POSTN: variants seen among roughly 807,000 people sequenced by gnomAD.
The protein encoded by POSTN is osteoblast specific factor 2 (fasciclin I-like).
A neutral mutation model predicts 104.5 loss-of-function variants in POSTN; 71 were observed. The ratio of observed to expected loss-of-function variants is 0.68; its 90% CI spans 0.56 to 0.83. The LOEUF (loss-of-function observed/expected upper bound fraction) is 0.83, where lower values mean the gene tolerates loss of function less well. Ranked by LOEUF, POSTN falls within the 40% of genes least tolerant of loss-of-function variation. POSTN has a pLI of 0.00. For missense variants in POSTN, 949 were observed against 1,006.8 expected, an observed-to-expected ratio of 0.94 and a Z score of 0.78; for synonymous variants, 355 against 340.7, an observed-to-expected ratio of 1.04 and a Z score of -0.46.
chr13:37,597,073 C>A (rs1951105664), intron 2 of POSTN, 111 bp downstream of exon 2: 2 of 602,680 alleles, frequency 3.3e-6, no homozygotes, highest in Admixed American at 4.0e-5. Flanking sequence ...ATAACTCTCA[C>A]AATTTTGGTC....
At chr13:37,596,661 A>G (rs570887289) in intron 2 of POSTN, among the ~76,000 whole-genome samples, 1 of 152,314 alleles carries the variant, frequency 6.6e-6, no homozygotes, top group South Asian at 2.1e-4. Context: ...AAATAAAGAG[A>G]TAAAACTCAA....
At chr13:37,580,014 T>C (rs765176182) in intron 11 of POSTN, 23 bp from the exon 12 acceptor site, 6 of 1,605,964 alleles carry the variant, frequency 3.7e-6, no homozygotes, top group Non-Finnish European at 5.1e-6. Context: ...AATGTATATG[T>C]ATTTTGTCAG....
At chr13:37,572,271 ATCTTTGAGAGCAT>A (rs1950281160) in intron 17 of POSTN, among the ~76,000 whole-genome samples, 2 of 151,596 alleles carry the variant, frequency 1.3e-5, no homozygotes, top group South Asian at 4.1e-4. Flanking sequence ...TTGCTTGCTT[ATCTTTGAGAGCAT>A]TTTTTTTTGC....
rs376502893 is a variant in POSTN, at chr13:37,564,558, T to C, written c.2434A>G (p.Thr812Ala). The stretch of plus-strand genomic sequence containing the variant: ...TTGGCTTGCAACTTCCTCACGGGTG[T>C]GTCTAAAATTAAATTGTTGTAGTTA... ...EEIKRLLQGD[T>A]PVRKLQANKK... is the part of the protein sequence containing the mutation. The change falls in exon 22 of 23, where the codon ACA becomes GCA. Residue 812 changes from threonine to alanine, a missense_variant and splice_region_variant. Transcript: ENST00000379747. 4 of 1,592,474 alleles carry C rather than the reference T, an allele frequency of 2.5e-6. No homozygotes were observed. The African/African-American group carries it at 5.4e-5, about 21-fold the overall frequency.
In POSTN at chr13:37,580,010, T is replaced by C; in HGVS notation, c.1530-19A>G. 1.2e-6 allele frequency: 2 copies of C among 1,608,114 alleles called. No homozygotes were observed. Among genetic ancestry groups the C allele is most frequent in the Non-Finnish European group, 1.7e-6 (2 of 1,176,194 alleles). On this transcript the variant is annotated intron_variant, in intron 11 of 22. Transcript: ENST00000379747. Reference sequence around the variant, plus strand: ...GAAGGTGCTAAGTGGGAAGAATGTATATGTATTTTGTCAGATTTAGATTTA... The same window carrying C: ...GAAGGTGCTAAGTGGGAAGAATGTACATGTATTTTGTCAGATTTAGATTTA...
chr13:37,580,112 T>G lies in POSTN; in HGVS notation c.1530-121A>C. 5.6e-6 allele frequency: 5 copies of G among 890,808 alleles called. No homozygotes were observed. In the South Asian group the frequency reaches 1.0e-4, roughly 19 times the overall value. 55.2% of individuals were successfully genotyped at this position (890,808 alleles called of 1,614,324 possible). ...AAGCATGAGAGAACTGCTCATACAT[T>G]TTCATATGTTTCGAATACAATTTAC... is the stretch of plus-strand genomic sequence containing the variant. On this transcript the variant is annotated intron_variant, in intron 11 of 22. Coordinates refer to ENST00000379747, the MANE Select transcript of POSTN (RefSeq NM_006475.3).
intron 18 of POSTN, chr13:37,570,870 TGA>T: frequency 2.1e-6 from 1 of 467,734 alleles, no homozygotes; most frequent in Non-Finnish European, 3.8e-6. Context: ...GAATCTTGGT[TGA>T]GAGAGAGGGC....
In POSTN at chr13:37,582,385, C is replaced by T. The variant is rs531567925; in HGVS notation, c.1373G>A (p.Arg458Lys). ...ACTTACTGTACGATATACGAAGACT[C>T]TGAGCTGTTTGCCTCCGATGGTTTC... ...ILETIGGKQLRVFVYRTAVCI... is the reference protein window; with the variant it reads ...ILETIGGKQLKVFVYRTAVCI... The change falls in exon 10 of 23, where the codon AGA becomes AAA. Residue 458 changes from arginine to lysine, a missense_variant. Physicochemically the swap from Arg to Lys is conservative, Grantham distance 26. Coordinates refer to ENST00000379747, the MANE Select transcript of POSTN (RefSeq NM_006475.3). 134 of 1,613,050 alleles carry T rather than the reference C, an allele frequency of 8.3e-5. No individual in the cohort carries two copies. The highest frequency in any genetic ancestry group is 1.1e-4 in the Non-Finnish European group (130 of 1,179,702).
intron 18 of POSTN, 94 bp downstream of exon 18, chr13:37,571,275 G>A: frequency 1.2e-6 from 1 of 822,142 alleles, no homozygotes; most frequent in Non-Finnish European, 1.9e-6. Context: ...TAAGAACTAA[G>A]AGAAAATATC....
At chr13:37,580,332 G>A (rs941192234) in intron 11 of POSTN, among the ~76,000 whole-genome samples, 1 of 152,130 alleles carries the variant, frequency 6.6e-6, no homozygotes, top group Non-Finnish European at 1.5e-5. Context: ...AAAATGTCAA[G>A]AAGTAGTTTA....
At chr13:37,566,703 G>A (rs1311849416) in intron 21 of POSTN, among the ~76,000 whole-genome samples, 2 of 152,118 alleles carry the variant, frequency 1.3e-5, no homozygotes. Context: ...ATGACTTTTT[G>A]TTGTTGTTCC....
At chr13:37,576,271 A>G (rs954600833) in intron 16 of POSTN, among the ~76,000 whole-genome samples, 1 of 152,186 alleles carries the variant, frequency 6.6e-6, no homozygotes, top group African/African-American at 2.4e-5. Flanking sequence ...ATATAAAAAT[A>G]GAAAATTTGG....
intron 2 of POSTN, among the ~76,000 whole-genome samples, chr13:37,592,380 G>C (rs1460793990): frequency 1.3e-5 from 2 of 151,996 alleles, no homozygotes; most frequent in Admixed American, 1.3e-4. Context: ...TTCACTGCAA[G>C]CTCCGCCTCT....
At chr13:37,593,169 AC>A (rs1950993152) in intron 2 of POSTN, among the ~76,000 whole-genome samples, 1 of 151,178 alleles carries the variant, frequency 6.6e-6, no homozygotes. Context: ...AAGGTAACAG[AC>A]CAGAAAATTC....
chr13:37,573,033 T>C (rs1384397050), intron 17 of POSTN, among the ~76,000 whole-genome samples: 4 of 151,572 alleles, frequency 2.6e-5, no homozygotes, highest in Non-Finnish European at 4.4e-5. Flanking sequence ...CCCGCCAGTA[T>C]GATCTTAACT....
intron 21 of POSTN, 94 bp downstream of exon 21, chr13:37,569,206 A>C (rs1157735730): frequency 2.4e-6 from 2 of 842,008 alleles, no homozygotes; most frequent in African/African-American, 1.7e-5. Context: ...TTTTTAACCC[A>C]ATTAAAAGAA....
In POSTN at chr13:37,562,768, CAAG is replaced by C. The variant is rs1258632245; in HGVS notation, c.*562_*564del. On this transcript the variant is annotated 3_prime_UTR_variant, in exon 23 of 23. Transcript: ENST00000379747. ...GTTTGAGATTAAAAAATATGCATTGCAAGAAGCATATGACAAACATTCTGAGAG... is the reference window on the plus strand; with the variant it reads ...GTTTGAGATTAAAAAATATGCATTGCAAGCATATGACAAACATTCTGAGAG... 1 of 151,974 alleles carries C rather than the reference CAAG, an allele frequency of 6.6e-6. No individual in the cohort carries two copies. Among genetic ancestry groups the C allele is most frequent in the Non-Finnish European group, 1.5e-5 (1 of 67,998 alleles). The allele number at this position is 151,974 out of a possible 1,614,324, so 9.4% of individuals were successfully genotyped here.
At chr13:37,579,452 A>G (rs1950515635) in intron 12 of POSTN, 93 bp from the exon 13 acceptor site, 3 of 1,058,152 alleles carry the variant, frequency 2.8e-6, no homozygotes, top group South Asian at 1.5e-5. Flanking sequence ...ATCTTTTTCC[A>G]TATTGTACTT....
In POSTN at chr13:37,597,167, A is replaced by T; in HGVS notation, c.218+17T>A. 1 of 1,499,816 alleles carries T rather than the reference A, an allele frequency of 6.7e-7. No homozygotes were observed. Among genetic ancestry groups the T allele is most frequent in the Non-Finnish European group, 9.0e-7 (1 of 1,115,596 alleles). 92.9% of individuals were successfully genotyped at this position (1,499,816 alleles called of 1,614,324 possible). Reference sequence around the variant, plus strand: ...GTTTTTGGAACTGACATATTATGAAAAAAAAAAGAGACTTACGTTTTCTGT... The same window carrying T: ...GTTTTTGGAACTGACATATTATGAATAAAAAAAGAGACTTACGTTTTCTGT... On this transcript the variant is annotated intron_variant, in intron 2 of 22. Transcript: ENST00000379747.
Sources: allele counts gnomAD v4.1 joint callset (sites outside exome capture counted in the v4.1 genomes callset), GRCh38; gene constraint gnomAD v4.1.1; transcripts MANE v1.5; gene names NCBI Gene and HGNC (gene_info 2026-07-23, HGNC 2026-07-21).